The following NHSL1 variants were observed in gnomAD, a reference collection of about 807,000 sequenced individuals.
The protein encoded by NHSL1 is NHS like 1.
In NHSL1, 48 loss-of-function variants were observed where a neutral mutation model predicts 95.0. The observed-to-expected ratio is 0.51, with a 90% confidence interval of 0.40 to 0.64. The LOEUF is 0.64. NHSL1 is among the 30% of genes least tolerant of loss of function. The probability of loss-of-function intolerance (pLI) is 0.00; values close to 1 mark genes in which losing one functional copy is unlikely to be tolerated. For missense variants in NHSL1, 1,971 were observed against 2,077.7 expected, an observed-to-expected ratio of 0.95 and a Z score of 1.00; for synonymous variants, 783 against 833.9, an observed-to-expected ratio of 0.94 and a Z score of 1.05.
chr6:138,641,909 A>T (rs1229214798), intron 1 of NHSL1, among the ~76,000 whole-genome samples: 1 of 152,158 alleles, frequency 6.6e-6, no homozygotes, highest in African/African-American at 2.4e-5. Flanking sequence ...CCCTCACATA[A>T]AAAGTTTTCT....
intron 1 of NHSL1, among the ~76,000 whole-genome samples, chr6:138,601,973 G>A (rs1287703210): frequency 2.6e-5 from 4 of 152,080 alleles, no homozygotes; most frequent in South Asian, 2.1e-4. Flanking sequence ...CTATAAAGCC[G>A]ATAAGTTTAT....
At chr6:138,440,466 C>T (rs987140160) in intron 5 of NHSL1, among the ~76,000 whole-genome samples, 8 of 152,180 alleles carry the variant, frequency 5.3e-5, no homozygotes, top group Admixed American at 2.0e-4. Context: ...CACAATCCCA[C>T]GGGAGCTGCT....
intron 1 of NHSL1, among the ~76,000 whole-genome samples, chr6:138,595,410 C>CA (rs1784290655): frequency 6.6e-6 from 1 of 151,970 alleles, no homozygotes; most frequent in Non-Finnish European, 1.5e-5. Context: ...CTTGTCTCTG[C>CA]AAAAAATATT....
At chr6:138,435,989 T>G (rs1776070754) in intron 5 of NHSL1, among the ~76,000 whole-genome samples, 1 of 152,178 alleles carries the variant, frequency 6.6e-6, no homozygotes, top group Admixed American at 6.6e-5. Flanking sequence ...AATTGATATA[T>G]GTTGTGTGTG....
At chr6:138,535,762 A>G (rs376826556) in intron 1 of NHSL1, among the ~76,000 whole-genome samples, 3 of 152,300 alleles carry the variant, frequency 2.0e-5, no homozygotes, top group African/African-American at 7.2e-5. Flanking sequence ...CTAGATATTC[A>G]TATCTGCAGT....
At chr6:138,638,283 C>T (rs1402127766) in intron 1 of NHSL1, among the ~76,000 whole-genome samples, 1 of 152,124 alleles carries the variant, frequency 6.6e-6, no homozygotes, top group Non-Finnish European at 1.5e-5. Context: ...TAGTATTTGA[C>T]AGCACAACAG....
chr6:138,555,722 G>A (rs577765596), intron 1 of NHSL1, among the ~76,000 whole-genome samples: 1 of 152,302 alleles, frequency 6.6e-6, no homozygotes, highest in East Asian at 1.9e-4. Context: ...CTTTCTGTGT[G>A]ATACAGAGTG....
intron 6 of NHSL1, 144 bp from the exon 7 acceptor site, chr6:138,429,987 T>A: frequency 1.2e-6 from 1 of 813,998 alleles, no homozygotes; most frequent in Non-Finnish European, 1.9e-6. Flanking sequence ...GTTTGATAGT[T>A]TACAAAGAAG....
At chr6:138,489,804 G>A (rs1335506826) in intron 2 of NHSL1, among the ~76,000 whole-genome samples, 1 of 110,846 alleles carries the variant, frequency 9.0e-6, no homozygotes, top group Non-Finnish European at 1.8e-5. Flanking sequence ...AGAAAGAAGA[G>A]AGAGGGAGAG....
chr6:138,569,009 C>A (rs1023079444), intron 1 of NHSL1, among the ~76,000 whole-genome samples: 1 of 152,190 alleles, frequency 6.6e-6, no homozygotes, highest in Non-Finnish European at 1.5e-5. Context: ...ACTATCCACA[C>A]TGATGGTAGG....
intron 3 of NHSL1, among the ~76,000 whole-genome samples, chr6:138,452,256 T>C (rs375728250): frequency 3.9e-4 from 59 of 152,198 alleles, no homozygotes; most frequent in African/African-American, 1.1e-3. Context: ...AAATTTTGGA[T>C]GCTGGAAGAC....
At chr6:138,447,607 T>C (rs982982598) in intron 3 of NHSL1, among the ~76,000 whole-genome samples, 6 of 152,142 alleles carry the variant, frequency 3.9e-5, no homozygotes, top group African/African-American at 1.2e-4. Context: ...ACCCCATCTC[T>C]ACTAAAAATA....
intron 1 of NHSL1, among the ~76,000 whole-genome samples, chr6:138,520,280 C>CTTTTTT (rs397888767): frequency 1.4e-4 from 11 of 80,928 alleles, no homozygotes; most frequent in Non-Finnish European, 1.9e-4. Flanking sequence ...TAGTTTAATT[C>CTTTTTT]TTTTTTTTTT....
At chr6:138,516,950 A>G (rs1461185780) in intron 1 of NHSL1, among the ~76,000 whole-genome samples, 1 of 152,176 alleles carries the variant, frequency 6.6e-6, no homozygotes, top group Non-Finnish European at 1.5e-5. Flanking sequence ...GAAAGTTTCC[A>G]TGCAAAATAG....
chr6:138,604,981 C>T (rs1398602378), intron 1 of NHSL1, among the ~76,000 whole-genome samples: 1 of 152,182 alleles, frequency 6.6e-6, no homozygotes. Context: ...ATCTGACTTA[C>T]TTGACTGACA....
chr6:138,677,869 G>C (rs922128553), intron 1 of NHSL1, among the ~76,000 whole-genome samples: 1 of 152,176 alleles, frequency 6.6e-6, no homozygotes, highest in Non-Finnish European at 1.5e-5. Flanking sequence ...TGCATTTCTA[G>C]CAAGTTCCCA....
intron 7 of NHSL1, among the ~76,000 whole-genome samples, chr6:138,425,681 C>A (rs1052934076): frequency 4.6e-5 from 7 of 152,260 alleles, no homozygotes; most frequent in African/African-American, 1.4e-4. Context: ...GCTTCCTTTT[C>A]TTGTTCCATG....
intron 2 of NHSL1, among the ~76,000 whole-genome samples, chr6:138,482,445 CAAA>C (rs34849976): frequency 1.2e-4 from 10 of 81,210 alleles, no homozygotes; most frequent in African/African-American, 2.4e-4. Flanking sequence ...GACTCCGTCT[CAAA>C]AAAAAAAAAA....
chr6:138,652,657 T>C (rs1393032221), intron 1 of NHSL1, among the ~76,000 whole-genome samples: 1 of 152,124 alleles, frequency 6.6e-6, no homozygotes, highest in African/African-American at 2.4e-5. Flanking sequence ...AAACACACAC[T>C]GCAAAACAAA....
Sources: gnomAD v4.1 joint callset for allele counts (sites outside exome capture counted in the v4.1 genomes callset) on GRCh38, gnomAD v4.1.1 for gene constraint, MANE v1.5 for transcripts, NCBI Gene and HGNC (gene_info 2026-07-23, HGNC 2026-07-21) for gene names.